The following DOCK1 variants were observed in gnomAD, a reference collection of about 807,000 sequenced individuals.
DOCK1 encodes the protein dedicator of cytokinesis protein 1.
In DOCK1, 138 loss-of-function variants were observed where a neutral mutation model predicts 262.7. That is an observed-to-expected ratio of 0.53 (90% CI 0.46 to 0.61). DOCK1 has a LOEUF of 0.61. DOCK1 is among the 20% of genes least tolerant of loss of function. The pLI, the probability that DOCK1 is intolerant of heterozygous loss-of-function variation, is 0.00. For synonymous variants in DOCK1, 866 were observed against 867.4 expected, an observed-to-expected ratio of 1.00 and a Z score of 0.03; for missense variants, 1,908 against 2,370.7, an observed-to-expected ratio of 0.80 and a Z score of 4.05.
intron 40 of DOCK1, among the ~76,000 whole-genome samples, chr10:127,407,812 G>T (rs755441348): frequency 6.6e-6 from 1 of 151,878 alleles, no homozygotes; most frequent in Non-Finnish European, 1.5e-5. Context: ...CAGCAACCAC[G>T]CCCCGTCCTG....
chr10:127,116,488 T>A (rs932293715), intron 25 of DOCK1, among the ~76,000 whole-genome samples: 1 of 152,102 alleles, frequency 6.6e-6, no homozygotes, highest in African/African-American at 2.4e-5. Flanking sequence ...GAAGTCAGAT[T>A]TCTACACTAT....
chr10:127,279,658 A>G (rs991916858), intron 29 of DOCK1, among the ~76,000 whole-genome samples: 3 of 152,182 alleles, frequency 2.0e-5, no homozygotes, highest in Non-Finnish European at 2.9e-5. Context: ...ACCTTTTCAC[A>G]ACGCACTTTG....
chr10:127,196,628 G>GGGGCCGGGCC (rs1299327829), intron 27 of DOCK1, among the ~76,000 whole-genome samples: 2 of 146,508 alleles, frequency 1.4e-5, no homozygotes, highest in Non-Finnish European at 3.0e-5. Context: ...GGGGCGGCGC[G>GGGGCCGGGCC]GGGCCGGGCC....
At chr10:127,119,819 C>T (rs1324737496) in intron 25 of DOCK1, among the ~76,000 whole-genome samples, 2 of 152,212 alleles carry the variant, frequency 1.3e-5, no homozygotes, top group Non-Finnish European at 2.9e-5. Flanking sequence ...GTATTTGCAT[C>T]TTGCTTTAAT....
At chr10:127,335,563 T>TC (rs1386949473) in intron 29 of DOCK1, among the ~76,000 whole-genome samples, 53 of 151,482 alleles carry the variant, frequency 3.5e-4, no homozygotes, top group South Asian at 1.0e-3. Flanking sequence ...TTTTTTTTTT[T>TC]TTGAGATGGA....
chr10:127,451,321 A>T lies in DOCK1; in HGVS notation c.5566-11A>T. 6.3e-7 allele frequency: 1 copy of T among 1,583,560 alleles called. No homozygotes were observed. The highest frequency in any genetic ancestry group is 1.2e-5 in the South Asian group (1 of 86,070). On this transcript the variant is annotated splice_polypyrimidine_tract_variant and intron_variant, in intron 51 of 51. Coordinates refer to ENST00000623213, the MANE Select transcript of DOCK1 (RefSeq NM_001290223.2). ...GTTATGTGACATCTTCCCCATCCTC[A>T]TGTTTTTTAGCATCTGCCACCTCCA... is the stretch of plus-strand genomic sequence containing the variant.
At position 127,374,234 on chromosome 10, in the gene DOCK1, C is replaced by A. The variant is rs752653180; in HGVS notation, c.3675+20C>A. 4 of 1,596,152 alleles carry A rather than the reference C, an allele frequency of 2.5e-6. No individual in the cohort carries two copies. The South Asian group carries it at 4.5e-5, about 18-fold the overall frequency. Reference sequence around the variant, plus strand: ...GTGCTGGTGAGTGAAAGCTTAATCACGTTTTTTCAGTTTTCACAGCACACC... The same window carrying A: ...GTGCTGGTGAGTGAAAGCTTAATCAAGTTTTTTCAGTTTTCACAGCACACC... On this transcript the variant is annotated intron_variant, in intron 35 of 51. Transcript: ENST00000623213.
intron 1 of DOCK1, among the ~76,000 whole-genome samples, chr10:126,937,122 T>G (rs1404520169): frequency 6.6e-6 from 1 of 152,234 alleles, no homozygotes; most frequent in Non-Finnish European, 1.5e-5. Flanking sequence ...TTTCACTTAG[T>G]TTAAAGCCCT....
At chr10:126,935,944 C>T (rs1469719923) in intron 1 of DOCK1, among the ~76,000 whole-genome samples, 1 of 152,214 alleles carries the variant, frequency 6.6e-6, no homozygotes, top group Non-Finnish European at 1.5e-5. Context: ...AGCACTGTTG[C>T]AAAATGTTTG....
At chr10:127,001,528 G>C (rs1338492897) in intron 10 of DOCK1, 1 of 152,116 alleles carries the variant, frequency 6.6e-6, no homozygotes, top group African/African-American at 2.4e-5. Context: ...TGTGGGTTTC[G>C]ACAAATGAAT....
intron 27 of DOCK1, among the ~76,000 whole-genome samples, chr10:127,156,250 C>T (rs1482285605): frequency 6.6e-6 from 1 of 152,264 alleles, no homozygotes; most frequent in South Asian, 2.1e-4. Context: ...ATTATGCTAG[C>T]CCCACTTACA....
intron 1 of DOCK1, among the ~76,000 whole-genome samples, chr10:126,958,175 G>A (rs1191829021): frequency 1.3e-5 from 2 of 152,172 alleles, no homozygotes; most frequent in Admixed American, 1.3e-4. Flanking sequence ...TAAAGACTGT[G>A]TGTTTTATTA....
intron 29 of DOCK1, among the ~76,000 whole-genome samples, chr10:127,338,177 C>G (rs2063282449): frequency 6.6e-6 from 1 of 152,170 alleles, no homozygotes; most frequent in Non-Finnish European, 1.5e-5. Flanking sequence ...ACTAATTCCT[C>G]TTACATCCTG....
At chr10:127,448,056 A>G (rs2070702851) in intron 51 of DOCK1, among the ~76,000 whole-genome samples, 1 of 152,164 alleles carries the variant, frequency 6.6e-6, no homozygotes, top group Non-Finnish European at 1.5e-5. Context: ...GGGTGGTGAC[A>G]GGCACTCACC....
chr10:126,973,591 CTCTT>C (rs2134712611), intron 2 of DOCK1, among the ~76,000 whole-genome samples: 1 of 152,276 alleles, frequency 6.6e-6, no homozygotes, highest in South Asian at 2.1e-4. Flanking sequence ...TTTGTAAAGA[CTCTT>C]TAGCATAAAA....
chr10:127,037,611 T>C (rs1198005758), intron 18 of DOCK1, 108 bp from the exon 19 acceptor site: 1 of 914,708 alleles, frequency 1.1e-6, no homozygotes, highest in Non-Finnish European at 1.6e-6. Flanking sequence ...ATAGGGTTGA[T>C]TTCTCTGTTC....
At chr10:127,323,998 A>G (rs2062649781) in intron 29 of DOCK1, among the ~76,000 whole-genome samples, 1 of 152,226 alleles carries the variant, frequency 6.6e-6, no homozygotes, top group South Asian at 2.1e-4. Flanking sequence ...TGCTGCATAC[A>G]GAGCTGGTTC....
chr10:127,145,570 G>C (rs901430686), intron 27 of DOCK1, among the ~76,000 whole-genome samples: 1 of 152,262 alleles, frequency 6.6e-6, no homozygotes, highest in Middle Eastern at 3.4e-3. Context: ...TGAGTCCCTC[G>C]TGGCCAACCC....
At chr10:127,236,403 CTCCTTCCTTCCCT>C (rs1048439610) in intron 27 of DOCK1, among the ~76,000 whole-genome samples, 1 of 148,242 alleles carries the variant, frequency 6.7e-6, no homozygotes, top group African/African-American at 2.5e-5. Context: ...CCCTCCCATC[CTCCTTCCTTCCCT>C]TCCTTCCTTG....
Sources: allele counts gnomAD v4.1 joint callset (sites outside exome capture counted in the v4.1 genomes callset), GRCh38; gene constraint gnomAD v4.1.1; transcripts MANE v1.5; gene names NCBI Gene and HGNC (gene_info 2026-07-23, HGNC 2026-07-21).